PHKG2: variants seen among roughly 807,000 people sequenced by gnomAD.
PHKG2 encodes the protein phosphorylase kinase catalytic subunit gamma 2.
PHKG2 carries 28 observed loss-of-function variants against 44.5 expected under a neutral mutation model. The ratio of observed to expected loss-of-function variants is 0.63; its 90% CI spans 0.47 to 0.86. The LOEUF is 0.86. PHKG2 is among the 40% of genes least tolerant of loss of function. The pLI is 0.00. For missense variants in PHKG2, 498 were observed against 547.5 expected, an observed-to-expected ratio of 0.91 and a Z score of 0.90; for synonymous variants, 220 against 211.2, an observed-to-expected ratio of 1.04 and a Z score of -0.36.
chr16:30,753,170 G>C (rs1391024101), intron 4 of PHKG2, 62 bp from the exon 5 acceptor site: 2 of 1,262,048 alleles, frequency 1.6e-6, no homozygotes. Context: ...TATGAGCACT[G>C]GTCTGTTTTC....
intron 6 of PHKG2, among the ~76,000 whole-genome samples, chr16:30,754,323 G>T (rs139348070): frequency 5.9e-5 from 9 of 152,030 alleles, no homozygotes; most frequent in Admixed American, 2.6e-4. Flanking sequence ...CCACCACTAC[G>T]CCTGGCTCAT....
intron 2 of PHKG2, among the ~76,000 whole-genome samples, chr16:30,750,654 A>C: frequency 6.6e-6 from 1 of 152,188 alleles, no homozygotes; most frequent in Non-Finnish European, 1.5e-5. Flanking sequence ...ACTAAGATCT[A>C]ATTTTCAGCT....
At position 30,753,362 on chromosome 16, in the gene PHKG2, G is replaced by A. The variant is rs535319513; in HGVS notation, c.393-32G>A. The A allele has an allele frequency of 2.5e-6, 4 of 1,613,798 alleles. No individual in the cohort carries two copies. In the African/African-American group the frequency reaches 4.0e-5, roughly 16 times the overall value. On this transcript the variant is annotated intron_variant, in intron 5 of 9. Transcript: ENST00000563588. Reference sequence around the variant, plus strand: ...TGGGACAGGGCAGGGAGGAGCCGAGGAGGAGACTGCACCCGCCTCCCCTTC... The same window carrying A: ...TGGGACAGGGCAGGGAGGAGCCGAGAAGGAGACTGCACCCGCCTCCCCTTC...
intron 4 of PHKG2, 156 bp downstream of exon 4, chr16:30,751,759 T>C (rs2053348170): frequency 2.6e-6 from 2 of 784,264 alleles, no homozygotes; most frequent in Admixed American, 1.7e-5. Context: ...CGCATGGCTC[T>C]GGCCTTCTCC....
At position 30,756,795 on chromosome 16, in the gene PHKG2, C is replaced by T. The variant is rs886051913; in HGVS notation, c.928-9C>T. ...CCTGCACTAGAGCTCACCCTGCCCC[C>T]CTTCCCAGGTGGCAGTGTGGACAGT... On this transcript the variant is annotated splice_polypyrimidine_tract_variant and intron_variant, in intron 9 of 9. Transcript: ENST00000563588. 2 of 1,614,152 alleles carry T rather than the reference C, an allele frequency of 1.2e-6. No individual in the cohort carries two copies. Among genetic ancestry groups the T allele is most frequent in the East Asian group, 4.5e-5 (2 of 44,888 alleles).
At chr16:30,751,517 C>G in intron 3 of PHKG2, 32 bp from the exon 4 acceptor site, 1 of 1,593,054 alleles carries the variant, frequency 6.3e-7, no homozygotes. Context: ...CTTTCCATCT[C>G]TGTCTCTCTG....
At position 30,759,972 on chromosome 16, in the gene PHKG2, G is replaced by A; in HGVS notation, c.*2875G>A. On this transcript the variant is annotated 3_prime_UTR_variant, in exon 10 of 10. Coordinates refer to ENST00000563588, the MANE Select transcript of PHKG2 (RefSeq NM_000294.3). ...CTTATATTCTAGGGGAATAAACCAA[G>A]AAATAGATCATTTCAGCTATTAAAC... is the stretch of plus-strand genomic sequence containing the variant. 2.8e-6 allele frequency: 4 copies of A among 1,453,362 alleles called. No individual in the cohort carries two copies. The East Asian group carries it at 7.4e-5, about 27-fold the overall frequency. The allele number at this position is 1,453,362 out of a possible 1,614,324, so 90.0% of individuals were successfully genotyped here. A position where few individuals can be genotyped will look rare whatever the true frequency, so the allele number is the denominator to read the frequency against.
chr16:30,748,595 A>T (rs1300730411), intron 1 of PHKG2, 105 bp downstream of exon 1: 2 of 512,752 alleles, frequency 3.9e-6, no homozygotes, highest in Non-Finnish European at 3.5e-6. Flanking sequence ...TCCTGGGCAC[A>T]TCTCCCCACT....
chr16:30,752,699 A>T (rs551481881), intron 4 of PHKG2: 10 of 172,544 alleles, frequency 5.8e-5, no homozygotes, highest in African/African-American at 2.4e-4. Flanking sequence ...AAGGATGTCT[A>T]TTATGCCATC....
At position 30,757,239 on chromosome 16, in the gene PHKG2, C is replaced by T; in HGVS notation, c.*142C>T. On this transcript the variant is annotated 3_prime_UTR_variant, in exon 10 of 10. Coordinates refer to ENST00000563588, the MANE Select transcript of PHKG2 (RefSeq NM_000294.3). ...TCTTGAAGACCAGCCCGGTACCTCT[C>T]TCCCCACTGGCCAGGACTCTGAGAT... 2 of 1,575,268 alleles carry T rather than the reference C, an allele frequency of 1.3e-6. No homozygotes were observed. Among genetic ancestry groups the T allele is most frequent in the Non-Finnish European group, 1.7e-6 (2 of 1,168,558 alleles).
At position 30,756,788 on chromosome 16, in the gene PHKG2, C is replaced by T. The variant is rs2053435304; in HGVS notation, c.928-16C>T. On this transcript the variant is annotated splice_polypyrimidine_tract_variant and intron_variant, in intron 9 of 9. Transcript: ENST00000563588. ...TCTTTCCCCTGCACTAGAGCTCACC[C>T]TGCCCCCCTTCCCAGGTGGCAGTGT... 5 of 1,614,016 alleles carry T rather than the reference C, an allele frequency of 3.1e-6. No individual in the cohort carries two copies. Among genetic ancestry groups the T allele is most frequent in the Non-Finnish European group, 4.2e-6 (5 of 1,180,038 alleles).
Position 30,760,949 on chromosome 16 carries a change from C to A in PHKG2, c.*3852C>A. The A allele has an allele frequency of 1.6e-6, 1 of 610,296 alleles. No homozygotes were observed. Among genetic ancestry groups the A allele is most frequent in the Non-Finnish European group, 2.9e-6 (1 of 346,360 alleles). 37.8% of individuals were successfully genotyped at this position (610,296 alleles called of 1,614,324 possible). The stretch of plus-strand genomic sequence containing the variant: ...GTACTCCCTGTGGCCCTCAGTGTCC[C>A]CCTCTGTACAATACTCCTTAGCGGC... On this transcript the variant is annotated 3_prime_UTR_variant, in exon 10 of 10. Coordinates refer to ENST00000563588, the MANE Select transcript of PHKG2 (RefSeq NM_000294.3).
chr16:30,748,755 C>A, intron 1 of PHKG2, 48 bp from the exon 2 acceptor site: 1 of 1,130,550 alleles, frequency 8.8e-7, no homozygotes, highest in Non-Finnish European at 1.2e-6. Context: ...CGGGTCGTCT[C>A]AGAGCCTGTG....
intron 4 of PHKG2, 31 bp from the exon 5 acceptor site, chr16:30,753,201 C>T: frequency 6.3e-7 from 1 of 1,577,514 alleles, no homozygotes; most frequent in Non-Finnish European, 8.7e-7. Flanking sequence ...CTGTGGGATG[C>T]AGCTGCCTCC....
chr16:30,754,153 CT>C lies in PHKG2; in HGVS notation c.556+605del, dbSNP rs897287814. ...ATTCACCTGTGAGGCAGGCACCAGTCTTTTTTTTTCTTTTTTCTTTTTTTTT... is the reference window on the plus strand; with the variant it reads ...ATTCACCTGTGAGGCAGGCACCAGTCTTTTTTTTCTTTTTTCTTTTTTTTT... On this transcript the variant is annotated intron_variant, in intron 6 of 9. Transcript: ENST00000563588. 4.5e-4 allele frequency among the ~76,000 whole-genome samples: 67 copies of C among 150,090 alleles called. 1 individual carries two copies. The highest frequency in any genetic ancestry group is 2.7e-3 in the East Asian group (14 of 5,138).
chr16:30,748,768 C>T (rs1316578986), intron 1 of PHKG2, 35 bp from the exon 2 acceptor site: 20 of 1,227,468 alleles, frequency 1.6e-5, no homozygotes, highest in Non-Finnish European at 2.1e-5. Context: ...AGCCTGTGGG[C>T]CTCCCTGCCC....
intron 2 of PHKG2, among the ~76,000 whole-genome samples, chr16:30,750,569 C>T (rs972176237): frequency 1.3e-4 from 20 of 152,330 alleles, no homozygotes; most frequent in African/African-American, 4.8e-4. Context: ...CTGTTGGCTG[C>T]ATTTCACAGC....
In PHKG2 at chr16:30,756,705, A is replaced by G. The variant is rs770705206; in HGVS notation, c.917A>G (p.Gln306Arg). 1 of 1,614,054 alleles carries G rather than the reference A, an allele frequency of 6.2e-7. No homozygotes were observed. The highest frequency in any genetic ancestry group is 1.1e-5 in the South Asian group (1 of 91,078). ...CAACCCTGGAACCTCACCCCCCGCC[A>G]GCGGTTCCGGGTAAGCCTGAGTGTA... ...GSQPWNLTPR[Q>R]RFRVAVWTVL... is the part of the protein sequence containing the mutation. The change falls in exon 9 of 10, where the codon CAG (glutamine) becomes CGG (arginine). Residue 306 changes from glutamine to arginine, a missense_variant. Coordinates refer to ENST00000563588, the MANE Select transcript of PHKG2 (RefSeq NM_000294.3).
rs764439368 is a variant in PHKG2, at chr16:30,759,036, C to T, written c.*1939C>T. ...CTTGGCTCTGGCTCTGGTGGGGCCACTGTCTCTAGTTCCTCTTTCTGCGGG... is the reference window on the plus strand; with the variant it reads ...CTTGGCTCTGGCTCTGGTGGGGCCATTGTCTCTAGTTCCTCTTTCTGCGGG... On this transcript the variant is annotated 3_prime_UTR_variant, in exon 10 of 10. Transcript: ENST00000563588. The T allele has an allele frequency of 1.9e-6, 3 of 1,614,240 alleles. No homozygotes were observed. The highest frequency in any genetic ancestry group is 1.3e-5 in the African/African-American group (1 of 75,062).
Sources: allele counts gnomAD v4.1 joint callset (sites outside exome capture counted in the v4.1 genomes callset), GRCh38; gene constraint gnomAD v4.1.1; transcripts MANE v1.5; gene names NCBI Gene and HGNC (gene_info 2026-07-23, HGNC 2026-07-21).